The following LRRC1 variants were observed in gnomAD, a reference collection of about 807,000 sequenced individuals.
The protein encoded by LRRC1 is leucine rich repeat containing 1.
LRRC1 carries 28 observed loss-of-function variants against 69.9 expected under a neutral mutation model. That is an observed-to-expected ratio of 0.40 (90% CI 0.30 to 0.55). LRRC1 has a LOEUF of 0.55. LRRC1 is among the 20% of genes least tolerant of loss of function. The pLI is 0.47. For synonymous variants in LRRC1, 236 were observed against 240.2 expected (o/e 0.98, Z 0.16); for missense variants, 498 against 609.0 (o/e 0.82, Z 1.92).
At chr6:53,818,340 T>C (rs899834270) in intron 1 of LRRC1, among the ~76,000 whole-genome samples, 2 of 152,136 alleles carry the variant, frequency 1.3e-5, no homozygotes, top group Non-Finnish European at 2.9e-5. Flanking sequence ...GAAATACCAG[T>C]GTATCAAGAT....
At chr6:53,922,230 A>T (rs1019513452) in intron 13 of LRRC1, among the ~76,000 whole-genome samples, 1 of 152,164 alleles carries the variant, frequency 6.6e-6, no homozygotes, top group Admixed American at 6.5e-5. Flanking sequence ...CGCTTTGGGT[A>T]ATAGTAGAAC....
At chr6:53,850,085 G>A (rs1581872421) in intron 2 of LRRC1, among the ~76,000 whole-genome samples, 1 of 138,372 alleles carries the variant, frequency 7.2e-6, no homozygotes. Flanking sequence ...TTTACTTCAA[G>A]CAGTATTTAT....
At chr6:53,808,984 T>C (rs1039008900) in intron 1 of LRRC1, among the ~76,000 whole-genome samples, 2 of 152,218 alleles carry the variant, frequency 1.3e-5, no homozygotes, top group African/African-American at 4.8e-5. Context: ...TGGTGCTGGA[T>C]TTCCTACTTT....
intron 1 of LRRC1, among the ~76,000 whole-genome samples, chr6:53,837,047 C>T (rs780706534): frequency 2.6e-5 from 4 of 152,068 alleles, no homozygotes; most frequent in African/African-American, 7.2e-5. Flanking sequence ...TCATAACTAA[C>T]GGTAAGCTTT....
intron 4 of LRRC1, among the ~76,000 whole-genome samples, chr6:53,884,322 T>A (rs1443089569): frequency 1.3e-5 from 2 of 151,832 alleles, no homozygotes; most frequent in Non-Finnish European, 2.9e-5. Flanking sequence ...CTGGGCAACA[T>A]GACGATAACC....
At chr6:53,797,371 T>C (rs1764332061) in intron 1 of LRRC1, among the ~76,000 whole-genome samples, 1 of 152,218 alleles carries the variant, frequency 6.6e-6, no homozygotes, top group South Asian at 2.1e-4. Flanking sequence ...AATCTACTTC[T>C]CCCTGACTTA....
chr6:53,863,968 C>T (rs1766613739), intron 2 of LRRC1, among the ~76,000 whole-genome samples: 1 of 151,226 alleles, frequency 6.6e-6, no homozygotes, highest in Non-Finnish European at 1.5e-5. Context: ...GTGTCTCCGA[C>T]TAGAATTTGA....
intron 1 of LRRC1, among the ~76,000 whole-genome samples, chr6:53,807,362 C>A (rs927180288): frequency 3.9e-5 from 6 of 152,208 alleles, no homozygotes; most frequent in African/African-American, 1.4e-4. Flanking sequence ...GCAAATAAAT[C>A]TCTGTCTGTA....
At chr6:53,911,478 C>T (rs144559347) in intron 10 of LRRC1, among the ~76,000 whole-genome samples, 2 of 152,210 alleles carry the variant, frequency 1.3e-5, no homozygotes, top group East Asian at 1.9e-4. Context: ...AATGCAGTCC[C>T]AGCTCTGTAT....
chr6:53,858,270 T>G (rs1325719805), intron 2 of LRRC1, among the ~76,000 whole-genome samples: 1 of 152,194 alleles, frequency 6.6e-6, no homozygotes, highest in Non-Finnish European at 1.5e-5. Flanking sequence ...TGGGATTTTT[T>G]TTTTTTAATT....
chr6:53,871,133 A>T lies in LRRC1; in HGVS notation c.278-7860A>T, dbSNP rs1412449092. 2.0e-5 allele frequency among the ~76,000 whole-genome samples: 3 copies of T among 152,162 alleles called. No individual in the cohort carries two copies. The East Asian group carries it at 5.8e-4, about 29-fold the overall frequency. ...GATATATCTTTGATATGCTAATTTC[A>T]TATCCTTTAGATATGTATCTGGTAG... On this transcript the variant is annotated intron_variant, in intron 2 of 13. Transcript: ENST00000370888.
chr6:53,872,742 TTTC>T (rs1228801990), intron 2 of LRRC1, among the ~76,000 whole-genome samples: 44 of 150,946 alleles, frequency 2.9e-4, no homozygotes, highest in African/African-American at 1.1e-3. Context: ...TTTTAACAAT[TTTC>T]TTTTCTCTTT....
rs761476094 is a variant in LRRC1 at position 53,892,009 on chromosome 6, T to TACACACACACACACACAC, written c.447-4488_447-4487insCACACACACACACACACA. Among the ~76,000 whole-genome samples, 15 of 74,640 alleles carry TACACACACACACACACAC rather than the reference T, an allele frequency of 2.0e-4. No homozygotes were observed. The East Asian group carries it at 2.9e-3, about 14-fold the overall frequency. 49.0% of individuals were successfully genotyped at this position (74,640 alleles called of 152,430 possible). A position where few individuals can be genotyped will look rare whatever the true frequency, so the allele number is the denominator to read the frequency against. On this transcript the variant is annotated intron_variant, in intron 4 of 13. Transcript: ENST00000370888. ...TCTGTCTAAAAAAAAAATATATATA[T>TACACACACACACACACAC]ATACACACACACACACACACACACA...
At chr6:53,886,089 A>G (rs147572195) in intron 4 of LRRC1, among the ~76,000 whole-genome samples, 4 of 152,346 alleles carry the variant, frequency 2.6e-5, no homozygotes, top group Non-Finnish European at 4.4e-5. Context: ...AAAATTATAC[A>G]TATAAGTGGA....
At chr6:53,840,924 G>GTGTGTGTT (rs1765766568) in intron 1 of LRRC1, among the ~76,000 whole-genome samples, 1 of 142,384 alleles carries the variant, frequency 7.0e-6, no homozygotes, top group Non-Finnish European at 1.6e-5. Flanking sequence ...GTGTGTGTGT[G>GTGTGTGTT]TGTGCGTGCG....
chr6:53,906,166 C>T (rs1360469792), intron 10 of LRRC1, among the ~76,000 whole-genome samples: 3 of 152,120 alleles, frequency 2.0e-5, no homozygotes, highest in African/African-American at 7.2e-5. Context: ...CTTCATTTTA[C>T]GAGTGAGGAA....
intron 1 of LRRC1, among the ~76,000 whole-genome samples, chr6:53,826,961 C>A (rs1765283525): frequency 1.3e-5 from 2 of 152,092 alleles, no homozygotes; most frequent in South Asian, 2.1e-4. Context: ...TATATTTAAA[C>A]CAAGTGATTC....
intron 10 of LRRC1, among the ~76,000 whole-genome samples, chr6:53,909,836 A>G (rs868803960): frequency 1.3e-5 from 2 of 152,038 alleles, no homozygotes; most frequent in Non-Finnish European, 2.9e-5. Context: ...TTTTTTGCCA[A>G]TGGGGTGTGT....
chr6:53,796,642 G>A (rs1764311168), intron 1 of LRRC1, among the ~76,000 whole-genome samples: 1 of 152,136 alleles, frequency 6.6e-6, no homozygotes, highest in Non-Finnish European at 1.5e-5. Context: ...TTAAGTGGTG[G>A]TGTTCTTCTT....
Sources: gnomAD v4.1 joint callset for allele counts (sites outside exome capture counted in the v4.1 genomes callset) on GRCh38, gnomAD v4.1.1 for gene constraint, MANE v1.5 for transcripts, NCBI Gene and HGNC (gene_info 2026-07-23, HGNC 2026-07-21) for gene names.